SLC35F1: variants seen among roughly 807,000 people sequenced by gnomAD.
The protein encoded by SLC35F1 is chromosome 6 open reading frame 169.
SLC35F1 carries 14 observed loss-of-function variants against 48.7 expected under a neutral mutation model. The observed-to-expected ratio is 0.29, with a 90% CI of 0.19 to 0.45. SLC35F1 has a LOEUF of 0.45. SLC35F1 is among the 20% of genes least tolerant of loss of function. The probability of loss-of-function intolerance (pLI) is 1.00; values close to 1 mark genes in which losing one functional copy is unlikely to be tolerated. For synonymous variants in SLC35F1, 190 were observed against 202.2 expected (o/e 0.94, Z 0.51); for missense variants, 404 against 500.0 (o/e 0.81, Z 1.83).
chr6:118,182,628 G>A (rs979527142), intron 2 of SLC35F1, among the ~76,000 whole-genome samples: 3 of 151,870 alleles, frequency 2.0e-5, no homozygotes, highest in Non-Finnish European at 4.4e-5. Context: ...CACTTTGGGA[G>A]GCTGAGGTGG....
chr6:118,195,651 G>T (rs1774790952), intron 2 of SLC35F1, among the ~76,000 whole-genome samples: 1 of 152,140 alleles, frequency 6.6e-6, no homozygotes, highest in Non-Finnish European at 1.5e-5. Context: ...TCAGATGTAA[G>T]AGGCCTCTAA....
At chr6:118,024,550 C>T (rs1472459842) in intron 1 of SLC35F1, among the ~76,000 whole-genome samples, 3 of 152,026 alleles carry the variant, frequency 2.0e-5, no homozygotes, top group Non-Finnish European at 4.4e-5. Flanking sequence ...GAAAAATCAG[C>T]CATTGTTTCA....
rs949250762 is a variant in SLC35F1, at chr6:117,946,772, A to C, written c.173+38873A>C. Among the ~76,000 whole-genome samples, 6 of 152,334 alleles carry C rather than the reference A, an allele frequency of 3.9e-5. No individual in the cohort carries two copies. In the South Asian group the frequency reaches 1.2e-3, roughly 32 times the overall value. ...AAGATTATTTAGGCCACCCCACCTG[A>C]TACTGAATTTTAACTATTGCAGACG... On this transcript the variant is annotated intron_variant, in intron 1 of 7. Coordinates refer to ENST00000360388, the MANE Select transcript of SLC35F1 (RefSeq NM_001029858.4).
chr6:118,073,579 T>C (rs1282724562), intron 1 of SLC35F1, among the ~76,000 whole-genome samples: 1 of 152,252 alleles, frequency 6.6e-6, no homozygotes, highest in Non-Finnish European at 1.5e-5. Flanking sequence ...GCTGTCTATA[T>C]ACTTAGGTAT....
chr6:118,232,964 C>T (rs905990451), intron 2 of SLC35F1, among the ~76,000 whole-genome samples: 21 of 136,636 alleles, frequency 1.5e-4, no homozygotes, highest in Admixed American at 1.3e-3. Flanking sequence ...GGCATTAGGA[C>T]TTTTCTGGTT....
At chr6:118,009,329 G>A (rs1777215904) in intron 1 of SLC35F1, among the ~76,000 whole-genome samples, 1 of 152,104 alleles carries the variant, frequency 6.6e-6, no homozygotes, top group African/African-American at 2.4e-5. Context: ...TTTTACAGGT[G>A]GTTAAATGGC....
At chr6:118,299,749 G>C (rs1776234195) in intron 7 of SLC35F1, among the ~76,000 whole-genome samples, 1 of 152,152 alleles carries the variant, frequency 6.6e-6, no homozygotes, top group African/African-American at 2.4e-5. Flanking sequence ...ATTTGCAATT[G>C]AAGAATTGCT....
chr6:118,074,498 G>A (rs926784998), intron 1 of SLC35F1, among the ~76,000 whole-genome samples: 5 of 152,090 alleles, frequency 3.3e-5, no homozygotes, highest in African/African-American at 1.2e-4. Context: ...TGACTTACCT[G>A]ATATTATTTG....
chr6:117,997,951 A>T (rs1432995823), intron 1 of SLC35F1, among the ~76,000 whole-genome samples: 3 of 151,502 alleles, frequency 2.0e-5, no homozygotes, highest in African/African-American at 7.3e-5. Flanking sequence ...AAATGGACTA[A>T]ATGCTCCAAT....
chr6:118,213,386 A>T (rs185470336), intron 2 of SLC35F1, among the ~76,000 whole-genome samples: 6 of 152,302 alleles, frequency 3.9e-5, no homozygotes, highest in Admixed American at 3.3e-4. Flanking sequence ...GGAGACGGGA[A>T]CCCATACACA....
intron 2 of SLC35F1, among the ~76,000 whole-genome samples, chr6:118,176,079 C>T (rs74818780): frequency 0.017 from 2,603 of 152,134 alleles, 95 homozygotes; most frequent in African/African-American, 0.06. Context: ...CATTAAATGT[C>T]ATCCTGATAA....
At chr6:118,229,466 C>T (rs1242758810) in intron 2 of SLC35F1, among the ~76,000 whole-genome samples, 1 of 152,080 alleles carries the variant, frequency 6.6e-6, no homozygotes, top group East Asian at 1.9e-4. Flanking sequence ...CAGTGGGGTG[C>T]CCTGCAAGTG....
intron 1 of SLC35F1, among the ~76,000 whole-genome samples, chr6:118,009,180 C>A (rs569489952): frequency 3.3e-5 from 5 of 152,140 alleles, no homozygotes. Flanking sequence ...GCACTGTGCT[C>A]ACACTTGGGA....
At chr6:118,052,598 A>T (rs1772406451) in intron 1 of SLC35F1, among the ~76,000 whole-genome samples, 1 of 152,204 alleles carries the variant, frequency 6.6e-6, no homozygotes, top group African/African-American at 2.4e-5. Flanking sequence ...TTTTCAAATC[A>T]CTTTCGTGTC....
chr6:118,152,462 A>G (rs900295162), intron 1 of SLC35F1, among the ~76,000 whole-genome samples: 5 of 152,212 alleles, frequency 3.3e-5, no homozygotes, highest in African/African-American at 1.2e-4. Context: ...TCAATTAGGC[A>G]GCAATCTTTC....
chr6:118,240,892 G>T (rs1436944953), intron 3 of SLC35F1, among the ~76,000 whole-genome samples: 1 of 152,182 alleles, frequency 6.6e-6, no homozygotes, highest in East Asian at 1.9e-4. Flanking sequence ...AGACAAAGAG[G>T]CAGGGATCAG....
At chr6:118,311,791 CAAGAAAAAA>C (rs554775542) in intron 7 of SLC35F1, among the ~76,000 whole-genome samples, 5 of 146,100 alleles carry the variant, frequency 3.4e-5, no homozygotes, top group Non-Finnish European at 7.5e-5. Context: ...AACCCTGTCT[CAAGAAAAAA>C]AAGAAAAAAA....
intron 1 of SLC35F1, among the ~76,000 whole-genome samples, chr6:118,085,419 C>G (rs191349949): frequency 6.7e-6 from 1 of 148,894 alleles, no homozygotes; most frequent in South Asian, 2.1e-4. Flanking sequence ...CCTATGTCAA[C>G]TAGTTACAGA....
chr6:117,923,661 A>ACATATGCACATATACATATG (rs1562238673), intron 1 of SLC35F1, among the ~76,000 whole-genome samples: 1 of 69,616 alleles, frequency 1.4e-5, no homozygotes, highest in African/African-American at 6.6e-5. Context: ...GTACATATGT[A>ACATATGCACATATACATATG]TATATACATA....
Sources: gnomAD v4.1 joint callset for allele counts (sites outside exome capture counted in the v4.1 genomes callset) on GRCh38, gnomAD v4.1.1 for gene constraint, MANE v1.5 for transcripts, NCBI Gene and HGNC (gene_info 2026-07-23, HGNC 2026-07-21) for gene names.